The following MDN1 variants were observed in gnomAD, a reference collection of about 807,000 sequenced individuals.
MDN1 encodes the protein midasin.
MDN1 carries 266 observed loss-of-function variants against 669.2 expected under a neutral mutation model. That is an observed-to-expected ratio of 0.40 (90% confidence interval 0.36 to 0.44). The LOEUF (loss-of-function observed/expected upper bound fraction) is 0.44, where lower values mean the gene tolerates loss of function less well. Among genes scored for constraint, MDN1 ranks in the 20% least tolerant of loss-of-function variants. The pLI is 1.00. For missense variants in MDN1, 5,940 were observed against 6,754.0 expected (o/e 0.88, Z 4.22); for synonymous variants, 2,385 against 2,457.1 (o/e 0.97, Z 0.87).
At chr6:89,708,427 TTC>T in intron 51 of MDN1, 67 bp downstream of exon 51, 1 of 1,562,650 alleles carries the variant, frequency 6.4e-7, no homozygotes, top group African/African-American at 1.4e-5. Context: ...ATTTGACAGA[TTC>T]TTAGGAAAGG....
rs551411023 is a variant in MDN1 at position 89,688,543 on chromosome 6, T to C, written c.11259+30A>G. 1.1e-5 allele frequency: 18 copies of C among 1,594,310 alleles called. No homozygotes were observed. The East Asian group carries it at 3.6e-4, about 32-fold the overall frequency. On this transcript the variant is annotated intron_variant, in intron 66 of 101. Coordinates refer to ENST00000369393, the MANE Select transcript of MDN1 (RefSeq NM_014611.3). ...CATCCTCATTGCAGACTCAGTACTGTGAGCACTCCTTCCTCAACAGCTGCC... is the reference window on the plus strand; with the variant it reads ...CATCCTCATTGCAGACTCAGTACTGCGAGCACTCCTTCCTCAACAGCTGCC...
At chr6:89,745,702 T>C (rs1291776330) in intron 27 of MDN1, 76 bp from the exon 28 acceptor site, 2 of 1,419,094 alleles carry the variant, frequency 1.4e-6, no homozygotes, top group African/African-American at 1.4e-5. Context: ...ATGGAGAATA[T>C]GAAACAATAG....
Position 89,650,644 on chromosome 6 carries a change from A to G in MDN1, c.16031+88T>C, listed in dbSNP as rs1327463071. The G allele has an allele frequency of 7.2e-6, 7 of 976,972 alleles. No individual in the cohort carries two copies. In the African/African-American group the frequency reaches 8.1e-5, roughly 11 times the overall value. 60.5% of individuals were successfully genotyped at this position (976,972 alleles called of 1,614,324 possible). On this transcript the variant is annotated intron_variant, in intron 96 of 101. Coordinates refer to ENST00000369393, the MANE Select transcript of MDN1 (RefSeq NM_014611.3). ...AAGCGGCAGCCTAGAAGCTGGCACT[A>G]TAAATGGTTAGGTGCCGCGTTCAAC...
intron 7 of MDN1, among the ~76,000 whole-genome samples, chr6:89,789,033 A>G (rs1200909057): frequency 6.6e-6 from 1 of 152,132 alleles, no homozygotes; most frequent in East Asian, 1.9e-4. Flanking sequence ...CTGAGGCAGG[A>G]GAATTGCTGG....
intron 22 of MDN1, among the ~76,000 whole-genome samples, chr6:89,752,623 C>T (rs942890022): frequency 7.2e-5 from 11 of 152,240 alleles, no homozygotes; most frequent in African/African-American, 2.4e-4. Context: ...ACAGTGCCCC[C>T]ACTACTGCCT....
rs1813798747 is a variant in MDN1 at position 89,710,220 on chromosome 6, T to A, written c.7765+461A>T. On this transcript the variant is annotated intron_variant, in intron 50 of 101. Transcript: ENST00000369393. ...CAGAGAAATAAGAGCTTAATTCCCC[T>A]AGTTTCTAAACACAGGCAGAGACAG... 2.0e-5 allele frequency among the ~76,000 whole-genome samples: 3 copies of A among 152,170 alleles called. No individual in the cohort carries two copies. The South Asian group carries it at 6.2e-4, about 32-fold the overall frequency.
intron 94 of MDN1, 31 bp downstream of exon 94, chr6:89,652,961 T>C (rs750655850): frequency 5.0e-6 from 8 of 1,601,478 alleles, no homozygotes; most frequent in Admixed American, 3.4e-5. Context: ...ATTAACACTA[T>C]ATTAATGCAG....
chr6:89,713,068 C>T, intron 47 of MDN1, 80 bp downstream of exon 47: 1 of 1,488,904 alleles, frequency 6.7e-7, no homozygotes, highest in South Asian at 1.3e-5. Context: ...CACTGGGTTG[C>T]CACCTTTAAA....
At chr6:89,783,862 G>T (rs574887744) in intron 9 of MDN1, among the ~76,000 whole-genome samples, 1 of 152,028 alleles carries the variant, frequency 6.6e-6, no homozygotes, top group African/African-American at 2.4e-5. Context: ...ATAGTGGCAT[G>T]CACCAGCTAC....
chr6:89,757,796 A>G (rs1817327800), intron 19 of MDN1, among the ~76,000 whole-genome samples: 1 of 152,142 alleles, frequency 6.6e-6, no homozygotes, highest in South Asian at 2.1e-4. Context: ...CTGTAATCCC[A>G]GCACTTTGGG....
chr6:89,816,080 T>C (rs1042938553), intron 1 of MDN1, among the ~76,000 whole-genome samples: 1 of 152,206 alleles, frequency 6.6e-6, no homozygotes, highest in African/African-American at 2.4e-5. Flanking sequence ...TAATAAAGAC[T>C]AGATAACACT....
chr6:89,699,934 T>A, intron 57 of MDN1, 129 bp downstream of exon 57: 2 of 1,143,518 alleles, frequency 1.7e-6, no homozygotes, highest in East Asian at 2.5e-5. Flanking sequence ...CTTTCCAAAG[T>A]GGCAAATCAC....
At position 89,700,619 on chromosome 6, in the gene MDN1, AGC is replaced by A. The variant is rs1813088871; in HGVS notation, c.8638+25_8638+26del. ...AGAGGATATTTTCAGAGCATCTGTC[AGC>A]TAGCCAAGTGCTAGAATATTTTACC... On this transcript the variant is annotated intron_variant, in intron 56 of 101. Coordinates refer to ENST00000369393, the MANE Select transcript of MDN1 (RefSeq NM_014611.3). 12 of 1,597,824 alleles carry A rather than the reference AGC, an allele frequency of 7.5e-6. No individual in the cohort carries two copies. The South Asian group carries it at 1.3e-4, about 18-fold the overall frequency.
At chr6:89,796,347 A>G (rs1461060098) in intron 2 of MDN1, among the ~76,000 whole-genome samples, 1 of 149,696 alleles carries the variant, frequency 6.7e-6, no homozygotes, top group Non-Finnish European at 1.5e-5. Flanking sequence ...AAAAAAAAAA[A>G]AAACAAAAAA....
intron 59 of MDN1, among the ~76,000 whole-genome samples, chr6:89,697,112 T>C (rs1194651685): frequency 1.3e-5 from 2 of 152,174 alleles, no homozygotes; most frequent in African/African-American, 4.8e-5. Flanking sequence ...ATAAATCCAT[T>C]TTGATAGTGC....
intron 17 of MDN1, among the ~76,000 whole-genome samples, chr6:89,761,408 T>C (rs374191106): frequency 1.3e-5 from 2 of 152,210 alleles, no homozygotes; most frequent in East Asian, 3.8e-4. Flanking sequence ...CACCCTTTTG[T>C]ACCCCATGAA....
chr6:89,812,363 TTGTC>T (rs1195294250), intron 1 of MDN1, among the ~76,000 whole-genome samples: 1 of 152,038 alleles, frequency 6.6e-6, no homozygotes, highest in African/African-American at 2.4e-5. Context: ...GGCAGGTAGA[TTGTC>T]TGAGCTCAGC....
rs1475758898 is a variant in MDN1 at position 89,713,292 on chromosome 6, A to C, written c.7074T>G (p.Ser2358=). ...TTAGAGTTGATACAGAAGATGTTGG[A>C]GAACCTATTAAAAAAAAATTGCCAT... The part of the protein sequence containing the change: ...HTETRSTVVG[S]PTSSVSTLIQ... The change falls in exon 47 of 102, where the codon TCT becomes TCG. Residue 2358 remains serine (S), a synonymous_variant. Coordinates refer to ENST00000369393, the MANE Select transcript of MDN1 (RefSeq NM_014611.3). The C allele has an allele frequency of 6.2e-7, 1 of 1,605,606 alleles. No individual in the cohort carries two copies. The highest frequency in any genetic ancestry group is 1.3e-5 in the African/African-American group (1 of 74,308).
At position 89,700,777 on chromosome 6, in the gene MDN1, A is replaced by G. The variant is rs1286977061; in HGVS notation, c.8507T>C (p.Leu2836Pro). The change falls in exon 56 of 102, where the codon CTT becomes CCT. Residue 2836 changes from leucine (L) to proline (P), a missense_variant. Around this residue, in one of 5 missense-constraint regions of MDN1, gnomAD observed 2,292 missense variants for 2,638.3 expected, o/e 0.87. Coordinates refer to ENST00000369393, the MANE Select transcript of MDN1 (RefSeq NM_014611.3). Reference sequence around the variant, plus strand: ...GTCTTCCTGCCATCCACTCTCCCCAAGGGCAGACATCTGCTCCCTGATGGC... The same window carrying G: ...GTCTTCCTGCCATCCACTCTCCCCAGGGGCAGACATCTGCTCCCTGATGGC... ...VLAIREQMSA[L>P]GESGWQEDIN... The G allele has an allele frequency of 1.2e-6, 2 of 1,614,170 alleles. No individual in the cohort carries two copies. The highest frequency in any genetic ancestry group is 1.7e-6 in the Non-Finnish European group (2 of 1,180,008).
Sources: gnomAD v4.1 joint callset for allele counts (sites outside exome capture counted in the v4.1 genomes callset) on GRCh38, gnomAD v4.1.1 for gene constraint, gnomAD v4.1.1 regional missense constraint, MANE v1.5 for transcripts, NCBI Gene and HGNC (gene_info 2026-07-23, HGNC 2026-07-21) for gene names.